IGF2: variants seen among roughly 807,000 people sequenced by gnomAD.
The protein encoded by IGF2 is insulin like growth factor 2, also known as insulin-like growth factor 2.
A neutral mutation model predicts 12.0 loss-of-function variants in IGF2; 2 were observed. That is an observed-to-expected ratio of 0.17 (90% CI 0.07 to 0.52). The LOEUF (loss-of-function observed/expected upper bound fraction) is 0.52, where lower values mean the gene tolerates loss of function less well. Among genes scored for constraint, IGF2 ranks in the 20% least tolerant of loss-of-function variants. The pLI, the probability that IGF2 is intolerant of heterozygous loss-of-function variation, is 0.95. For synonymous variants in IGF2, 105 were observed against 110.1 expected (o/e 0.95, Z 0.29); for missense variants, 211 against 268.0 (o/e 0.79, Z 1.48).
chr11:2,142,207 TAA>T (rs56374651), upstream of IGF2, among the ~76,000 whole-genome samples: 5 of 145,662 alleles, frequency 3.4e-5, no homozygotes, highest in South Asian at 2.2e-4. This position sits in a 1 kb window ranked among gnomAD's most constrained non-coding sequence, Gnocchi z 5.7. Context: ...AAATCAGTAT[TAA>T]AAAAAAAAAA....
chr11:2,139,884 C>T (rs1006772019), upstream of IGF2, among the ~76,000 whole-genome samples: 1 of 151,960 alleles, frequency 6.6e-6, no homozygotes, highest in Non-Finnish European at 1.5e-5. Context: ...GCTGAGGGGG[C>T]CCCTGGGCTC....
intron 2 of IGF2, among the ~76,000 whole-genome samples, chr11:2,134,783 AG>A (rs1463007764): frequency 6.6e-6 from 1 of 152,116 alleles, no homozygotes; most frequent in Non-Finnish European, 1.5e-5. Context: ...TGGAGAACCA[AG>A]AGAGAAACAT....
the IGF2 span, chr11:2,148,639 A>C: frequency 6.0e-6 from 1 of 167,818 alleles, no homozygotes; most frequent in Non-Finnish European, 1.3e-5. The surrounding 1 kb of genome is among the most constrained non-coding windows in gnomAD (Gnocchi z 4.3). Context: ...TGGTGTATAT[A>C]TGTATAAATA....
At chr11:2,134,379 G>A (rs980663624) in intron 2 of IGF2, among the ~76,000 whole-genome samples, 1 of 152,244 alleles carries the variant, frequency 6.6e-6, no homozygotes, top group Non-Finnish European at 1.5e-5. Context: ...GTGCAGGGAA[G>A]CTTCTCCCTG....
chr11:2,147,366 C>A, the IGF2 span: 1 of 390,142 alleles, frequency 2.6e-6, no homozygotes, highest in Non-Finnish European at 4.5e-6. This position sits in a 1 kb window ranked among gnomAD's most constrained non-coding sequence, Gnocchi z 7.2. Flanking sequence ...GGGGAACCTG[C>A]TCTGCCCACA....
the IGF2 span, chr11:2,146,612 T>A: frequency 2.9e-6 from 1 of 341,840 alleles, no homozygotes; most frequent in South Asian, 2.2e-5. Context: ...TCCAAAGGAC[T>A]GAGGCGGCGC....
chr11:2,145,323 G>A (rs1270131826), upstream of IGF2, among the ~76,000 whole-genome samples: 1 of 152,202 alleles, frequency 6.6e-6, no homozygotes, highest in Non-Finnish European at 1.5e-5. Flanking sequence ...AAAGGTGCCT[G>A]TCTGCAAACC....
chr11:2,149,355 C>G, the IGF2 span: 2 of 1,607,666 alleles, frequency 1.2e-6, no homozygotes, highest in East Asian at 2.2e-5. Context: ...GCTGGAGAAA[C>G]GAAGGGCACT....
the IGF2 span, chr11:2,146,275 C>G: frequency 3.7e-6 from 2 of 534,798 alleles, no homozygotes; most frequent in South Asian, 1.4e-5. Context: ...CTCCGCCGTC[C>G]GTGGGACCAA....
rs1000103191 is a variant in IGF2, at chr11:2,137,354, C to T, written c.-7+875G>A. 11 of 610,540 alleles carry T rather than the reference C, an allele frequency of 1.8e-5. No homozygotes were observed. The African/African-American group carries it at 2.2e-4, about 12-fold the overall frequency. 37.8% of individuals were successfully genotyped at this position (610,540 alleles called of 1,614,324 possible). A position where few individuals can be genotyped will look rare whatever the true frequency, so the allele number is the denominator to read the frequency against. ...TCCTCCCAGCCCGGGCTCCACCCTACCCCCCACCCCTCTCCCTGCTGACCA... is the reference window on the plus strand; with the variant it reads ...TCCTCCCAGCCCGGGCTCCACCCTATCCCCCACCCCTCTCCCTGCTGACCA... On this transcript the variant is annotated intron_variant, in intron 1 of 3. Coordinates refer to ENST00000416167, the MANE Select transcript of IGF2 (RefSeq NM_000612.6).
chr11:2,147,985 C>T, the IGF2 span: 1 of 410,458 alleles, frequency 2.4e-6, no homozygotes. This position sits in a 1 kb window ranked among gnomAD's most constrained non-coding sequence, Gnocchi z 7.2. Flanking sequence ...AGAGCTCCCT[C>T]TTTCAAAGTA....
upstream of IGF2, among the ~76,000 whole-genome samples, chr11:2,145,221 A>G (rs1049133247): frequency 6.6e-6 from 1 of 151,952 alleles, no homozygotes; most frequent in Non-Finnish European, 1.5e-5. Context: ...GGCTGTGCCT[A>G]TAGAAGGGGG....
chr11:2,132,153 A>C lies in IGF2; in HGVS notation c.*834T>G, dbSNP rs895467581. The C allele has an allele frequency of 4.8e-6, 1 of 206,782 alleles. No homozygotes were observed. Among genetic ancestry groups the C allele is most frequent in the African/African-American group, 2.3e-5 (1 of 42,906 alleles). 12.8% of individuals were successfully genotyped at this position (206,782 alleles called of 1,614,324 possible). ...TGAGTGCTTTTTAGGATGGGAATTG[A>C]GATGTAAGATTTGGGGGTGAGGGTC... On this transcript the variant is annotated 3_prime_UTR_variant, in exon 4 of 4. Coordinates refer to ENST00000416167, the MANE Select transcript of IGF2 (RefSeq NM_000612.6).
chr11:2,140,480 C>G, upstream of IGF2: 1 of 595,226 alleles, frequency 1.7e-6, no homozygotes, highest in South Asian at 2.0e-5. Flanking sequence ...TCAATCACTT[C>G]GCCCGCGCTC....
At position 2,138,577 on chromosome 11, in the gene IGF2, G is replaced by C; in HGVS notation, c.-355C>G. On this transcript the variant is annotated 5_prime_UTR_variant, in exon 1 of 4. Coordinates refer to ENST00000416167, the MANE Select transcript of IGF2 (RefSeq NM_000612.6). ...GAACGTGAAAGGGGGGGGCCGAAGA[G>C]AGGGCGAGGGGGAGAGAGGACAGCG... The C allele has an allele frequency of 1.2e-6, 1 of 808,748 alleles. No individual in the cohort carries two copies. The highest frequency in any genetic ancestry group is 1.5e-6 in the Non-Finnish European group (1 of 671,624). The allele number at this position is 808,748 out of a possible 1,614,324, so 50.1% of individuals were successfully genotyped here. A position where few individuals can be genotyped will look rare whatever the true frequency, so the allele number is the denominator to read the frequency against.
In IGF2 at chr11:2,133,248, C is replaced by A. The variant is rs760165937; in HGVS notation, c.307-25G>T. Reference sequence around the variant, plus strand: ...CCTGGGAGGGGAAGGGGCTGGTCAGCAGGTGCCTGCTCTCCACGCTCTTCC... The same window carrying A: ...CCTGGGAGGGGAAGGGGCTGGTCAGAAGGTGCCTGCTCTCCACGCTCTTCC... On this transcript the variant is annotated intron_variant, in intron 3 of 3. Coordinates refer to ENST00000416167, the MANE Select transcript of IGF2 (RefSeq NM_000612.6). This position sits in a 1 kb window ranked among gnomAD's most constrained non-coding sequence, Gnocchi z 8.9. 1 of 1,449,846 alleles carries A rather than the reference C, an allele frequency of 6.9e-7. No homozygotes were observed. Among genetic ancestry groups the A allele is most frequent in the South Asian group, 1.3e-5 (1 of 74,918 alleles). 89.8% of individuals were successfully genotyped at this position (1,449,846 alleles called of 1,614,324 possible). A position where few individuals can be genotyped will look rare whatever the true frequency, so the allele number is the denominator to read the frequency against.
In IGF2 at chr11:2,133,001, T is replaced by C; in HGVS notation, c.529A>G (p.Ser177Gly). ...GGCAGTTTTGCTCACTTCCGATTGC[T>C]GGCCATCTCTGGGGGGGCGCCCCCG... ...AHGGAPPEMA[S>G]NRK The change falls in exon 4 of 4, where the codon AGC becomes GGC. Residue 177 changes from serine (S) to glycine (G), a missense_variant. Ser to Gly is a moderately conservative substitution (Grantham distance 56). Coordinates refer to ENST00000416167, the MANE Select transcript of IGF2 (RefSeq NM_000612.6). This position sits in a 1 kb window ranked among gnomAD's most constrained non-coding sequence, Gnocchi z 8.9. 8 of 1,532,348 alleles carry C rather than the reference T, an allele frequency of 5.2e-6. No homozygotes were observed. Among genetic ancestry groups the C allele is most frequent in the Non-Finnish European group, 7.0e-6 (8 of 1,140,162 alleles). The allele number at this position is 1,532,348 out of a possible 1,614,324, so 94.9% of individuals were successfully genotyped here.
chr11:2,141,269 A>G (rs1859576161), upstream of IGF2: 1 of 152,624 alleles, frequency 6.6e-6, no homozygotes, highest in South Asian at 2.0e-4. Context: ...CAATGCCCAA[A>G]TTTTGGGGAA....
Position 2,133,232 on chromosome 11 carries a change from G to A in IGF2, c.307-9C>T. ...TATCTGGGGAAGTTGTCCTGGGAGG[G>A]GAAGGGGCTGGTCAGCAGGTGCCTG... is the stretch of plus-strand genomic sequence containing the variant. On this transcript the variant is annotated splice_polypyrimidine_tract_variant and intron_variant, in intron 3 of 3. Coordinates refer to ENST00000416167, the MANE Select transcript of IGF2 (RefSeq NM_000612.6). This position sits in a 1 kb window ranked among gnomAD's most constrained non-coding sequence, Gnocchi z 8.9. The A allele has an allele frequency of 6.6e-7, 1 of 1,514,842 alleles. No homozygotes were observed. The highest frequency in any genetic ancestry group is 8.9e-7 in the Non-Finnish European group (1 of 1,122,424). 93.8% of individuals were successfully genotyped at this position (1,514,842 alleles called of 1,614,324 possible).
Sources: gnomAD v4.1 joint callset for allele counts (sites outside exome capture counted in the v4.1 genomes callset) on GRCh38, gnomAD v4.1.1 for gene constraint, Gnocchi (gnomAD v3.1) non-coding constraint, MANE v1.5 for transcripts, NCBI Gene and HGNC (gene_info 2026-07-23, HGNC 2026-07-21) for gene names.